The following PP2D1 variants were observed in gnomAD, a reference collection of about 807,000 sequenced individuals.
PP2D1 encodes the protein protein phosphatase 2C-like domain-containing protein 1.
PP2D1 carries 25 observed loss-of-function variants against 30.2 expected under a neutral mutation model. The observed-to-expected ratio is 0.83, with a 90% confidence interval of 0.60 to 1.16. The LOEUF (loss-of-function observed/expected upper bound fraction) is 1.16. Among genes scored for constraint, PP2D1 ranks in the 50% most tolerant of loss-of-function variants. The pLI, the probability that PP2D1 is intolerant of heterozygous loss-of-function variation, is 0.00. For missense variants in PP2D1, 760 were observed against 742.4 expected, an observed-to-expected ratio of 1.02 and a Z score of -0.28; for synonymous variants, 260 against 258.9, an observed-to-expected ratio of 1.00 and a Z score of -0.04.
intron 1 of PP2D1, among the ~76,000 whole-genome samples, chr3:20,002,685 C>T (rs1316458152): frequency 3.3e-5 from 5 of 151,926 alleles, no homozygotes; most frequent in East Asian, 1.9e-4. Flanking sequence ...TTTGGGAGGC[C>T]GAAGTGGGCG....
intron 2 of PP2D1, among the ~76,000 whole-genome samples, chr3:19,989,693 T>C (rs1337652190): frequency 6.6e-6 from 1 of 152,276 alleles, no homozygotes; most frequent in African/African-American, 2.4e-5. Flanking sequence ...GTACATATGG[T>C]TCAGTACCTC....
At chr3:19,987,986 T>G (rs1432153497) in intron 2 of PP2D1, among the ~76,000 whole-genome samples, 1 of 152,200 alleles carries the variant, frequency 6.6e-6, no homozygotes, top group South Asian at 2.1e-4. Flanking sequence ...TAATTTCTTA[T>G]GTCTGTCTTT....
chr3:19,988,224 T>A lies in PP2D1; in HGVS notation c.1091-2042A>T, dbSNP rs546359851. ...AGGCGGAACAGAGCCATATTTCTCT[T>A]CTTACAAAAGCAAATAGGAGAAATA... On this transcript the variant is annotated intron_variant, in intron 2 of 2. Coordinates refer to ENST00000389050, the MANE Select transcript of PP2D1 (RefSeq NM_001252657.2). Among the ~76,000 whole-genome samples, 15 of 152,308 alleles carry A rather than the reference T, an allele frequency of 9.8e-5. No homozygotes were observed. In the South Asian group the frequency reaches 2.7e-3, roughly 27 times the overall value.
rs2125149908 is a variant in PP2D1, at chr3:20,012,069, T to A, written c.4A>T (p.Ser2Cys). ...GTTTACCTTAAAGCATTATTGGTGCTCATGTTCCTTTGGAATTACCTTTCT... is the reference window on the plus strand; with the variant it reads ...GTTTACCTTAAAGCATTATTGGTGCACATGTTCCTTTGGAATTACCTTTCT... M[S>C]TNNALRVFWK... The change falls in exon 1 of 3, where the codon AGC becomes TGC. Residue 2 changes from serine (S) to cysteine (C), a missense_variant. Physicochemically the swap from Ser to Cys is moderately radical, Grantham distance 112 (BLOSUM62 -1). Transcript: ENST00000389050. 6.5e-7 allele frequency: 1 copy of A among 1,532,462 alleles called. No individual in the cohort carries two copies. Among genetic ancestry groups the A allele is most frequent in the East Asian group, 2.5e-5 (1 of 40,748 alleles). The allele number at this position is 1,532,462 out of a possible 1,614,324, so 94.9% of individuals were successfully genotyped here.
chr3:19,989,511 T>A (rs576197766), intron 2 of PP2D1, among the ~76,000 whole-genome samples: 4 of 152,314 alleles, frequency 2.6e-5, no homozygotes, highest in Admixed American at 2.6e-4. Context: ...TTCTTTATAG[T>A]TTGGTTATTA....
intron 2 of PP2D1, among the ~76,000 whole-genome samples, chr3:19,990,077 A>AATAT (rs1365391338): frequency 2.0e-5 from 3 of 151,856 alleles, no homozygotes; most frequent in Non-Finnish European, 4.4e-5. Flanking sequence ...CATCCTTTGG[A>AATAT]TTCAGCACAA....
chr3:19,998,254 C>T (rs1307975345), intron 2 of PP2D1, among the ~76,000 whole-genome samples: 1 of 151,772 alleles, frequency 6.6e-6, no homozygotes, highest in South Asian at 2.1e-4. Context: ...GGCTTAAACC[C>T]GGGAGGCGGA....
intron 2 of PP2D1, among the ~76,000 whole-genome samples, chr3:20,000,489 T>C (rs1157381041): frequency 6.6e-6 from 1 of 152,126 alleles, no homozygotes; most frequent in Non-Finnish European, 1.5e-5. Flanking sequence ...CTTTAAACAA[T>C]ACAGGTAACT....
rs1559499065 is a variant in PP2D1 at position 20,001,335 on chromosome 3, A to G, written c.785T>C (p.Ile262Thr). 6.5e-7 allele frequency: 1 copy of G among 1,535,336 alleles called. No individual in the cohort carries two copies. Among genetic ancestry groups the G allele is most frequent in the South Asian group, 1.2e-5 (1 of 84,022 alleles). Residue 262 changes from isoleucine (I) to threonine (T), a missense_variant, in exon 2 of 3, where the codon ATA (isoleucine) becomes ACA (threonine). Physicochemically the swap from Ile to Thr is moderately conservative, Grantham distance 89. Coordinates refer to ENST00000389050, the MANE Select transcript of PP2D1 (RefSeq NM_001252657.2). ...GTTTATGGCAGAAAAGAGGTCTTCT[A>G]TTGCTGCGTATTCTTCTCTAAACAC... ...YTVFREEYAA[I>T]EDLFSAINKT...
In PP2D1 at chr3:20,001,515, C is replaced by G. The variant is rs201179163; in HGVS notation, c.605G>C (p.Cys202Ser). ...ATGTCCATCAAACAAACCAAAAAAA[C>G]ACACATTAGGTTTGTTACCAAAATT... Reference protein sequence around the residue: ...VSNFGNKPNVCFFGLFDGHHG... With the variant: ...VSNFGNKPNVSFFGLFDGHHG... Residue 202 changes from cysteine (C) to serine (S), a missense_variant, in exon 2 of 3, where the codon TGT becomes TCT. Cys to Ser is a moderately radical substitution (Grantham distance 112, BLOSUM62 -1). Transcript: ENST00000389050. The G allele has an allele frequency of 6.5e-7, 1 of 1,535,892 alleles. No homozygotes were observed. The highest frequency in any genetic ancestry group is 1.2e-5 in the South Asian group (1 of 84,040).
At chr3:20,008,755 CA>C (rs1321316208) in intron 1 of PP2D1, among the ~76,000 whole-genome samples, 1 of 151,704 alleles carries the variant, frequency 6.6e-6, no homozygotes, top group African/African-American at 2.4e-5. Flanking sequence ...GTCTCTTAAA[CA>C]AAAAAAATTC....
intron 1 of PP2D1, among the ~76,000 whole-genome samples, chr3:20,009,676 A>AT (rs1697362406): frequency 6.6e-6 from 1 of 152,294 alleles, no homozygotes; most frequent in East Asian, 1.9e-4. Flanking sequence ...ATGATAAACG[A>AT]TAAATAATAG....
chr3:20,005,832 G>C (rs1697311530), intron 1 of PP2D1, among the ~76,000 whole-genome samples: 1 of 152,176 alleles, frequency 6.6e-6, no homozygotes, highest in African/African-American at 2.4e-5. Flanking sequence ...CACCCCACTT[G>C]AACCCGGGAG....
intron 2 of PP2D1, among the ~76,000 whole-genome samples, chr3:19,991,746 A>G (rs1051406702): frequency 2.6e-5 from 4 of 152,198 alleles, no homozygotes; most frequent in Non-Finnish European, 5.9e-5. Flanking sequence ...TTTAAGAGGT[A>G]GACACTTGGA....
At chr3:19,983,684 A>G (rs763769103), downstream of PP2D1, 3 of 1,424,906 alleles carry the variant, frequency 2.1e-6, no homozygotes, top group Non-Finnish European at 2.9e-6. Context: ...CAAATATTCT[A>G]TTTATTTGAT....
chr3:20,002,356 A>G (rs1164745710), intron 1 of PP2D1, among the ~76,000 whole-genome samples: 1 of 152,232 alleles, frequency 6.6e-6, no homozygotes, highest in Non-Finnish European at 1.5e-5. Flanking sequence ...AAATCAGCAC[A>G]GTATTTTACC....
intron 1 of PP2D1, among the ~76,000 whole-genome samples, chr3:20,004,240 T>A (rs543553211): frequency 6.6e-6 from 1 of 152,350 alleles, no homozygotes; most frequent in South Asian, 2.1e-4. Context: ...CAGTATTCAC[T>A]ACAGTAACGC....
rs892633951 is a variant in PP2D1, at chr3:19,985,503, A to G, written c.1770T>C (p.Tyr590=). 4.6e-6 allele frequency: 7 copies of G among 1,535,990 alleles called. No individual in the cohort carries two copies. The African/African-American group carries it at 5.5e-5, about 12-fold the overall frequency. ...GGCTAACATACTCAGCTGCGCCTTC[A>G]TAGAAACTCTTAGTGTCTGATTCTT... ...NEKESDTKSF[Y]EGAAEYVSHE... Residue 590 remains tyrosine (Y), a synonymous_variant, in exon 3 of 3, where the codon TAT becomes TAC. Transcript: ENST00000389050.
rs537102132 is a variant in PP2D1, at chr3:19,997,270, C to T, written c.1090+3760G>A. On this transcript the variant is annotated intron_variant, in intron 2 of 2. Transcript: ENST00000389050. ...AAATAAAATAAATATGACACATTAC[C>T]AACAGAATGAAGGAGAAATACCATA... Among the ~76,000 whole-genome samples, 32 of 151,270 alleles carry T rather than the reference C, an allele frequency of 2.1e-4. No individual in the cohort carries two copies. The Admixed American group carries it at 2.1e-3, about 10-fold the overall frequency.
Sources: allele counts gnomAD v4.1 joint callset (sites outside exome capture counted in the v4.1 genomes callset), GRCh38; gene constraint gnomAD v4.1.1; transcripts MANE v1.5; gene names NCBI Gene and HGNC (gene_info 2026-07-23, HGNC 2026-07-21).